ARHGAP6: variants seen among roughly 807,000 people sequenced by gnomAD.
ARHGAP6 encodes the protein Rho GTPase activating protein 6, also known as rho GTPase-activating protein 6.
A neutral mutation model predicts 55.7 loss-of-function variants in ARHGAP6; 16 were observed. That is an observed-to-expected ratio of 0.29 (90% CI 0.19 to 0.44). The LOEUF (loss-of-function observed/expected upper bound fraction) is 0.44. Ranked by LOEUF, ARHGAP6 falls within the 20% of genes least tolerant of loss-of-function variation. The pLI is 1.00. For synonymous variants in ARHGAP6, 382 were observed against 360.9 expected, an observed-to-expected ratio of 1.06 and a Z score of -0.66; for missense variants, 698 against 808.9, an observed-to-expected ratio of 0.86 and a Z score of 1.66.
intron 2 of ARHGAP6, among the ~76,000 whole-genome samples, chrX:11,204,183 G>A (rs977067477): frequency 8.9e-6 from 1 of 112,170 alleles, no homozygotes; most frequent in African/African-American, 3.2e-5. Context: ...TCCTTCCTTT[G>A]GACTTGATGA....
chrX:11,264,182 C>T (rs1299315648), intron 1 of ARHGAP6, among the ~76,000 whole-genome samples: 1 of 110,403 alleles, frequency 9.1e-6, no homozygotes, highest in Non-Finnish European at 1.9e-5. Flanking sequence ...TTTTCCTCCT[C>T]TCCTAAGATT....
Position 11,144,196 on chromosome X carries a change from A to G in ARHGAP6, c.1960T>C (p.Ser654Pro). The G allele has an allele frequency of 8.3e-7, 1 of 1,211,607 alleles. No individual in the cohort carries two copies. Residue 654 changes from serine (S) to proline (P), a missense_variant, in exon 11 of 13, where the codon TCA (serine) becomes CCA (proline). This residue lies in a region of ARHGAP6 where 322 missense variants were observed against 451.1 expected (regional missense o/e 0.71). Transcript: ENST00000337414. The part of the protein sequence containing the change: ...EVSFSVGGRH[S>P]STDSNKASSG... Reference sequence around the variant, plus strand: ...GAGGCCTTGTTGGAGTCTGTAGATGAATGCCTCCCTCCCACGGAAAAGGAA... The same window carrying G: ...GAGGCCTTGTTGGAGTCTGTAGATGGATGCCTCCCTCCCACGGAAAAGGAA...
intron 1 of ARHGAP6, among the ~76,000 whole-genome samples, chrX:11,445,178 T>C (rs1273665360): frequency 1.8e-5 from 2 of 112,556 alleles, no homozygotes; most frequent in African/African-American, 3.2e-5. Context: ...TCACTTTGCC[T>C]ACTTGGACAA....
intron 1 of ARHGAP6, among the ~76,000 whole-genome samples, chrX:11,258,706 G>A (rs2047521950): frequency 1.8e-5 from 2 of 111,683 alleles, no homozygotes; most frequent in African/African-American, 3.3e-5. Context: ...TGCAGCCCAC[G>A]GTTCTTAACT....
intron 2 of ARHGAP6, among the ~76,000 whole-genome samples, chrX:11,209,386 C>T (rs1440118344): frequency 8.9e-6 from 1 of 112,010 alleles, no homozygotes; most frequent in Non-Finnish European, 1.9e-5. Flanking sequence ...CTCAAATGAT[C>T]TGCCTGTCTC....
At chrX:11,269,270 A>G (rs2047665811) in intron 1 of ARHGAP6, among the ~76,000 whole-genome samples, 1 of 111,713 alleles carries the variant, frequency 9.0e-6, no homozygotes, top group South Asian at 3.8e-4. Context: ...GAACGACATC[A>G]TGACTCATTT....
chrX:11,476,998 G>A (rs2050409175), intron 1 of ARHGAP6, among the ~76,000 whole-genome samples: 1 of 110,222 alleles, frequency 9.1e-6, no homozygotes, highest in Admixed American at 9.7e-5. Flanking sequence ...TAAAATTCAT[G>A]CTCTTTGAAA....
At chrX:11,611,039 G>A (rs912617082) in intron 1 of ARHGAP6, among the ~76,000 whole-genome samples, 1 of 112,535 alleles carries the variant, frequency 8.9e-6, no homozygotes, top group South Asian at 3.7e-4. Flanking sequence ...CCATTTTATG[G>A]ATGTACCATA....
intron 1 of ARHGAP6, among the ~76,000 whole-genome samples, chrX:11,552,047 G>A (rs2051271728): frequency 9.0e-6 from 1 of 111,546 alleles, no homozygotes; most frequent in Non-Finnish European, 1.9e-5. Flanking sequence ...AAGGTATAAG[G>A]AACTAAAACA....
chrX:11,664,841 GC>G lies in ARHGAP6; in HGVS notation c.-14del. ...TCTGCGCGGACATCTCGGCGGGGCT[GC>G]ACCTGAGGACCACCTCCTCCTCCCT... On this transcript the variant is annotated 5_prime_UTR_variant, in exon 1 of 13. Coordinates refer to ENST00000337414, the MANE Select transcript of ARHGAP6 (RefSeq NM_013427.3). 8.6e-7 allele frequency: 1 copy of G among 1,163,349 alleles called. No individual in the cohort carries two copies. Among genetic ancestry groups the G allele is most frequent in the Non-Finnish European group, 1.1e-6 (1 of 870,327 alleles).
At chrX:11,145,769 G>T (rs2079671800) in intron 10 of ARHGAP6, among the ~76,000 whole-genome samples, 1 of 112,365 alleles carries the variant, frequency 8.9e-6, no homozygotes, top group Non-Finnish European at 1.9e-5. Context: ...TTTCAAGATG[G>T]CCACTGCAAA....
chrX:11,151,704 C>G (rs919310389), intron 10 of ARHGAP6, among the ~76,000 whole-genome samples: 25 of 112,149 alleles, frequency 2.2e-4, no homozygotes, highest in African/African-American at 7.8e-4. Context: ...TTTGCTCTTT[C>G]AAAACAGAAA....
chrX:11,582,659 A>T (rs1309875871), intron 1 of ARHGAP6, among the ~76,000 whole-genome samples: 1 of 111,390 alleles, frequency 9.0e-6, no homozygotes, highest in Admixed American at 9.6e-5. Context: ...TGTAACAAAA[A>T]CTCCTGGCAA....
At chrX:11,634,680 GAC>G (rs750391699) in intron 1 of ARHGAP6, among the ~76,000 whole-genome samples, 14 of 111,986 alleles carry the variant, frequency 1.3e-4, no homozygotes, top group African/African-American at 4.5e-4. Flanking sequence ...AATTTTTAAT[GAC>G]ACAGGAGATT....
intron 1 of ARHGAP6, among the ~76,000 whole-genome samples, chrX:11,457,586 C>T (rs1412149952): frequency 1.8e-5 from 2 of 111,551 alleles, no homozygotes; most frequent in African/African-American, 3.3e-5. Context: ...GAAATGCCAG[C>T]GACACATGGA....
intron 2 of ARHGAP6, 114 bp from the exon 3 acceptor site, chrX:11,197,110 G>C: frequency 8.8e-6 from 4 of 453,298 alleles, no homozygotes; most frequent in Non-Finnish European, 1.5e-5. Flanking sequence ...CTTATAATTT[G>C]ACATTTTAAG....
chrX:11,191,107 A>C (rs1312865432), intron 3 of ARHGAP6, among the ~76,000 whole-genome samples: 1 of 112,962 alleles, frequency 8.9e-6, no homozygotes, highest in Non-Finnish European at 1.9e-5. Flanking sequence ...CTTAGGTATA[A>C]ATAGCGTTCA....
intron 1 of ARHGAP6, among the ~76,000 whole-genome samples, chrX:11,603,831 G>A (rs2052004601): frequency 8.9e-6 from 1 of 111,913 alleles, no homozygotes; most frequent in African/African-American, 3.2e-5. Flanking sequence ...AGATAAAAGA[G>A]TATAATACAT....
At chrX:11,389,698 T>TA (rs1203074728) in intron 1 of ARHGAP6, among the ~76,000 whole-genome samples, 1 of 112,665 alleles carries the variant, frequency 8.9e-6, no homozygotes, top group Non-Finnish European at 1.9e-5. Flanking sequence ...TATACAATTA[T>TA]ATAAATTTCT....
Sources: allele counts gnomAD v4.1 joint callset (sites outside exome capture counted in the v4.1 genomes callset), GRCh38; gene constraint gnomAD v4.1.1; regional missense constraint gnomAD v4.1.1; transcripts MANE v1.5; gene names NCBI Gene and HGNC (gene_info 2026-07-23, HGNC 2026-07-21).